Variants in CLDN14 observed in about 807,000 individuals in gnomAD.
The protein encoded by CLDN14 is claudin 14.
In CLDN14, 2 loss-of-function variants were observed where a neutral mutation model predicts 2.1. The ratio of observed to expected loss-of-function variants is 0.96; its 90% confidence interval spans 0.39 to 3.01. CLDN14 has a LOEUF of 3.01. CLDN14 is among the 30% of genes most tolerant of loss of function. CLDN14 has a pLI of 0.09. For synonymous variants in CLDN14, 136 were observed against 154.4 expected, an observed-to-expected ratio of 0.88 and a Z score of 0.88; for missense variants, 298 against 328.0, an observed-to-expected ratio of 0.91 and a Z score of 0.71.
Position 36,501,332 on chromosome 21 carries a change from C to CTTTTTTTTTTTTTTTTTT in CLDN14, c.-82+9013_-82+9030dup, listed in dbSNP as rs58458004. Among the ~76,000 whole-genome samples, 5 of 48,444 alleles carry CTTTTTTTTTTTTTTTTTT rather than the reference C, an allele frequency of 1.0e-4. 1 individual carries two copies. Among genetic ancestry groups the CTTTTTTTTTTTTTTTTTT allele is most frequent in the Non-Finnish European group, 1.3e-4 (3 of 23,302 alleles). The allele number at this position is 48,444 out of a possible 152,430, so 31.8% of individuals were successfully genotyped here. A position where few individuals can be genotyped will look rare whatever the true frequency, so the allele number is the denominator to read the frequency against. On this transcript the variant is annotated intron_variant, in intron 2 of 2. Transcript: ENST00000342108. ...AATGGGAGTTTCAGTCAATATCTCA[C>CTTTTTTTTTTTTTTTTTT]TTTTTTTTTTTTTTTTTTTTTTTTT...
chr21:36,533,277 A>G (rs574678313), intron 1 of CLDN14, among the ~76,000 whole-genome samples: 112 of 152,242 alleles, frequency 7.4e-4, no homozygotes, highest in African/African-American at 2.6e-3. Flanking sequence ...CGGGCAGGGG[A>G]TGCTCTGGAC....
At chr21:36,492,622 C>T (rs1400584634) in intron 2 of CLDN14, among the ~76,000 whole-genome samples, 1 of 152,088 alleles carries the variant, frequency 6.6e-6, no homozygotes, top group Non-Finnish European at 1.5e-5. Flanking sequence ...GAGCAAGACC[C>T]TGTCTCAAAC....
intron 1 of CLDN14, among the ~76,000 whole-genome samples, chr21:36,538,705 T>G (rs538982501): frequency 6.6e-6 from 1 of 152,290 alleles, no homozygotes; most frequent in East Asian, 1.9e-4. Context: ...GAGAAGCCCA[T>G]GTATGAGAAT....
chr21:36,573,010 T>C (rs565843149), intron 1 of CLDN14, among the ~76,000 whole-genome samples: 85 of 152,260 alleles, frequency 5.6e-4, no homozygotes, highest in African/African-American at 2.0e-3. Flanking sequence ...ACTGTAAGAA[T>C]TGGAGGGGAG....
intron 2 of CLDN14, among the ~76,000 whole-genome samples, chr21:36,488,462 G>T (rs2086922942): frequency 2.0e-5 from 3 of 152,132 alleles, no homozygotes; most frequent in African/African-American, 7.2e-5. Flanking sequence ...AGTAGAGACG[G>T]GGTTTCACCA....
chr21:36,530,302 G>T (rs1470386419), intron 1 of CLDN14, among the ~76,000 whole-genome samples: 1 of 151,930 alleles, frequency 6.6e-6, no homozygotes, highest in Non-Finnish European at 1.5e-5. Context: ...TGGGGACAGT[G>T]GCGGGGGGTG....
At chr21:36,531,904 G>A (rs1601626346) in intron 1 of CLDN14, 1 of 151,972 alleles carries the variant, frequency 6.6e-6, no homozygotes, top group African/African-American at 2.4e-5. Context: ...GTCTAGATTC[G>A]CCTAGTTTAA....
chr21:36,521,558 T>A (rs184317400), intron 1 of CLDN14, among the ~76,000 whole-genome samples: 8 of 152,300 alleles, frequency 5.3e-5, no homozygotes, highest in African/African-American at 1.9e-4. Flanking sequence ...AGGAAAATCC[T>A]GAAATTGAGT....
Position 36,499,844 on chromosome 21 carries a change from C to T in CLDN14, c.-82+10519G>A, listed in dbSNP as rs1343664588. Among the ~76,000 whole-genome samples, 1 of 152,000 alleles carries T rather than the reference C, an allele frequency of 6.6e-6. No individual in the cohort carries two copies. Among genetic ancestry groups the T allele is most frequent in the East Asian group, 1.9e-4 (1 of 5,176 alleles). ...GCTGCCCCCAGGGCTGCTGTCATCTCCTGATGACGAGCAACATTTTCACAA... is the reference window on the plus strand; with the variant it reads ...GCTGCCCCCAGGGCTGCTGTCATCTTCTGATGACGAGCAACATTTTCACAA... On this transcript the variant is annotated intron_variant, in intron 2 of 2. Coordinates refer to the CLDN14 transcript ENST00000342108. The surrounding 1 kb of genome is among the most constrained non-coding windows in gnomAD (Gnocchi z 4.7).
intron 1 of CLDN14, among the ~76,000 whole-genome samples, chr21:36,575,909 G>A (rs183665460): frequency 4.1e-4 from 62 of 152,278 alleles, no homozygotes; most frequent in Admixed American, 1.7e-3. Context: ...AGACTGTAAC[G>A]ACATTTCTGC....
intron 1 of CLDN14, among the ~76,000 whole-genome samples, chr21:36,549,533 T>C (rs2087549380): frequency 6.6e-6 from 1 of 152,190 alleles, no homozygotes; most frequent in African/African-American, 2.4e-5. Context: ...TTTGCTTGCT[T>C]TCTGTGGAGA....
At chr21:36,556,679 T>G (rs1198062480) in intron 1 of CLDN14, among the ~76,000 whole-genome samples, 1 of 152,226 alleles carries the variant, frequency 6.6e-6, no homozygotes, top group East Asian at 1.9e-4. Context: ...CTCCCGTGAA[T>G]TCTCCGTGTC....
chr21:36,467,725 C>T (rs1568843576), intron 1 of CLDN14, among the ~76,000 whole-genome samples: 1 of 152,166 alleles, frequency 6.6e-6, no homozygotes, highest in Non-Finnish European at 1.5e-5. Flanking sequence ...CTCTCCTTAA[C>T]CCTCAGCAGT....
chr21:36,508,473 G>C (rs1368526622), intron 2 of CLDN14, among the ~76,000 whole-genome samples: 1 of 152,206 alleles, frequency 6.6e-6, no homozygotes, highest in Non-Finnish European at 1.5e-5. Flanking sequence ...AACAGCATTA[G>C]GGTAGGAAGC....
intron 2 of CLDN14, among the ~76,000 whole-genome samples, chr21:36,493,954 C>T (rs1161495866): frequency 6.6e-6 from 1 of 152,162 alleles, no homozygotes; most frequent in East Asian, 1.9e-4. Flanking sequence ...ATGCCAAGAG[C>T]CCACTTTTGC....
At chr21:36,511,632 G>A (rs2087187485) in intron 1 of CLDN14, among the ~76,000 whole-genome samples, 1 of 152,114 alleles carries the variant, frequency 6.6e-6, no homozygotes, top group Non-Finnish European at 1.5e-5. Flanking sequence ...GAGCACATCT[G>A]TGAGCCATGT....
chr21:36,464,831 C>T (rs999869370), intron 1 of CLDN14, among the ~76,000 whole-genome samples: 1 of 152,228 alleles, frequency 6.6e-6, no homozygotes, highest in Non-Finnish European at 1.5e-5. Flanking sequence ...AAGTTCTGTG[C>T]CTGGCCTGGC....
intron 1 of CLDN14, among the ~76,000 whole-genome samples, chr21:36,545,373 C>T (rs983224737): frequency 6.6e-6 from 1 of 152,168 alleles, no homozygotes; most frequent in African/African-American, 2.4e-5. Flanking sequence ...TAATCCTTCA[C>T]AGAAATTAGG....
intron 1 of CLDN14, 60 bp from the exon 2 acceptor site, chr21:36,461,836 C>A (rs1313063663): frequency 1.5e-5 from 17 of 1,169,208 alleles, no homozygotes; most frequent in Non-Finnish European, 1.7e-5. Context: ...AAGATTATCT[C>A]ATGCACTTAT....
Sources: gnomAD v4.1 joint callset for allele counts (sites outside exome capture counted in the v4.1 genomes callset) on GRCh38, gnomAD v4.1.1 for gene constraint, Gnocchi (gnomAD v3.1) non-coding constraint, MANE v1.5 for transcripts, NCBI Gene and HGNC (gene_info 2026-07-23, HGNC 2026-07-21) for gene names.